The following NLGN4Y variants were observed in gnomAD, a reference collection of about 807,000 sequenced individuals.
The protein encoded by NLGN4Y is neuroligin-4, Y-linked.
NLGN4Y carries 4 observed loss-of-function variants against 8.4 expected under a neutral mutation model. The ratio of observed to expected loss-of-function variants is 0.48; its 90% confidence interval spans 0.23 to 1.09. The LOEUF is 1.09. Among genes scored for constraint, NLGN4Y ranks in the 50% least tolerant of loss-of-function variants. NLGN4Y has a pLI of 0.19. For synonymous variants in NLGN4Y, 35 were observed against 75.6 expected (o/e 0.46, Z 2.78); for missense variants, 90 against 192.3 (o/e 0.47, Z 3.15).
chrY:14,710,059 C>T, intron 2 of NLGN4Y, among the ~76,000 whole-genome samples: 1 of 33,727 alleles, frequency 3.0e-5, no homozygotes, highest in Non-Finnish European at 7.3e-5. Context: ...TAATGAATTA[C>T]TTTATATAAT....
At chrY:14,822,653 A>C (rs2043127133) in intron 4 of NLGN4Y, among the ~76,000 whole-genome samples, 3 of 34,174 alleles carry the variant, frequency 8.8e-5, no homozygotes, top group Non-Finnish European at 1.5e-4. Context: ...GAGGGCACCC[A>C]CACTGACATT....
At chrY:14,727,955 C>T (rs748565039) in intron 4 of NLGN4Y, among the ~76,000 whole-genome samples, 1 of 33,424 alleles carries the variant, frequency 3.0e-5, no homozygotes, top group South Asian at 6.7e-4. Context: ...CTCAATCCAT[C>T]TTCGCCACAA....
chrY:14,719,244 G>T (rs2080925653), intron 2 of NLGN4Y, among the ~76,000 whole-genome samples: 1 of 32,783 alleles, frequency 3.1e-5, no homozygotes, highest in Non-Finnish European at 7.5e-5. Flanking sequence ...GTAACATTTT[G>T]AATTTGTTCT....
intron 2 of NLGN4Y, among the ~76,000 whole-genome samples, chrY:14,624,224 T>C (rs2080520606): frequency 3.0e-5 from 1 of 33,718 alleles, no homozygotes; most frequent in Non-Finnish European, 7.3e-5. Context: ...TGCTAGAGTC[T>C]AGGACCTGGT....
rs1603502624 is a variant in NLGN4Y at position 14,677,050 on chromosome Y, C to G, written c.473-42409C>G. On this transcript the variant is annotated intron_variant, in intron 2 of 6. Coordinates refer to ENST00000684976, the MANE Select transcript of NLGN4Y (RefSeq NM_001365588.1). ...ATCAGGCTACTATTGGAGTCATCTT[C>G]CTGATTCTTACATTCGATGACTTCA... 8.9e-5 allele frequency among the ~76,000 whole-genome samples: 3 copies of G among 33,816 alleles called. No homozygotes were observed. In the East Asian group the frequency reaches 2.4e-3, roughly 27 times the overall value. 90.7% of individuals were successfully genotyped at this position (33,816 alleles called of 37,273 possible). A position where few individuals can be genotyped will look rare whatever the true frequency, so the allele number is the denominator to read the frequency against.
intron 4 of NLGN4Y, among the ~76,000 whole-genome samples, chrY:14,785,099 T>G: frequency 6.0e-5 from 2 of 33,508 alleles, no homozygotes; most frequent in Non-Finnish European, 1.5e-4. Context: ...GTAGTTTACC[T>G]ATATAACAAA....
chrY:14,791,328 C>A (rs202243285), intron 4 of NLGN4Y, among the ~76,000 whole-genome samples: 24 of 33,180 alleles, frequency 7.2e-4, no homozygotes, highest in Non-Finnish European at 1.3e-3. Flanking sequence ...TTCTACCCAA[C>A]CTTGAAAATG....
At chrY:14,654,566 T>A in intron 2 of NLGN4Y, among the ~76,000 whole-genome samples, 1 of 32,048 alleles carries the variant, frequency 3.1e-5, no homozygotes, top group Non-Finnish European at 7.6e-5. Context: ...CTTACTGACC[T>A]CATTATTATA....
At chrY:14,642,642 C>T in intron 2 of NLGN4Y, among the ~76,000 whole-genome samples, 3 of 32,589 alleles carry the variant, frequency 9.2e-5, no homozygotes, top group Admixed American at 2.8e-4. Flanking sequence ...GCTATGGTAG[C>T]GCCAATGCAA....
intron 4 of NLGN4Y, among the ~76,000 whole-genome samples, chrY:14,819,864 G>T (rs2043116291): frequency 3.1e-5 from 1 of 32,747 alleles, no homozygotes; most frequent in Non-Finnish European, 7.5e-5. Context: ...ATCAGAGAGA[G>T]AATATTGAGG....
intron 1 of NLGN4Y, among the ~76,000 whole-genome samples, chrY:14,565,540 C>T (rs2080248802): frequency 3.1e-5 from 1 of 32,659 alleles, no homozygotes; most frequent in African/African-American, 1.2e-4. Context: ...CAAATCTATG[C>T]TTGATTGGTG....
chrY:14,624,547 G>T (rs1191355350), intron 2 of NLGN4Y, among the ~76,000 whole-genome samples: 1 of 33,433 alleles, frequency 3.0e-5, no homozygotes, highest in Non-Finnish European at 7.4e-5. Flanking sequence ...ATGCGCATAC[G>T]ATCTTGAAAA....
intron 4 of NLGN4Y, among the ~76,000 whole-genome samples, chrY:14,744,378 A>T: frequency 3.0e-5 from 1 of 33,523 alleles, no homozygotes; most frequent in Non-Finnish European, 7.4e-5. Flanking sequence ...ATACCAATGA[A>T]TCACCTCCTC....
intron 1 of NLGN4Y, among the ~76,000 whole-genome samples, chrY:14,549,134 C>G (rs2080182675): frequency 3.0e-5 from 1 of 32,866 alleles, no homozygotes; most frequent in Non-Finnish European, 7.5e-5. Context: ...TTACCCGGCT[C>G]CCTGCTCATA....
chrY:14,843,425 C>T lies in NLGN4Y; in HGVS notation c.*2163C>T. On this transcript the variant is annotated 3_prime_UTR_variant, in exon 7 of 7. Coordinates refer to ENST00000684976, the MANE Select transcript of NLGN4Y (RefSeq NM_001365588.1). ...CCACCTGAGCAACCACAAATAGGCT[C>T]TCCATGAAACTGCAAAGGAACTGAT... 8.2e-6 allele frequency: 1 copy of T among 121,389 alleles called. No individual in the cohort carries two copies. Among genetic ancestry groups the T allele is most frequent in the Non-Finnish European group, 1.8e-5 (1 of 56,107 alleles). The allele number at this position is 121,389 out of a possible 400,897, so 30.3% of individuals were successfully genotyped here.
At chrY:14,585,663 ACTG>A (rs2080337746) in intron 1 of NLGN4Y, among the ~76,000 whole-genome samples, 3 of 33,392 alleles carry the variant, frequency 9.0e-5, no homozygotes, top group African/African-American at 3.5e-4. Flanking sequence ...ATTATTATTG[ACTG>A]CTATTTACTG....
chrY:14,808,910 T>C, intron 4 of NLGN4Y, among the ~76,000 whole-genome samples: 2 of 33,785 alleles, frequency 5.9e-5, no homozygotes, highest in African/African-American at 1.2e-4. Flanking sequence ...TTAGCAAGTA[T>C]AGTGGTGGAT....
chrY:14,633,697 G>A, intron 2 of NLGN4Y, among the ~76,000 whole-genome samples: 1 of 33,124 alleles, frequency 3.0e-5, no homozygotes, highest in Non-Finnish European at 7.4e-5. Flanking sequence ...TATGATTATA[G>A]GTCCTCTGAT....
intron 4 of NLGN4Y, chrY:14,748,547 C>T: frequency 6.2e-6 from 1 of 162,236 alleles, no homozygotes; most frequent in Non-Finnish European, 1.2e-5. Context: ...AAGAAAGGGG[C>T]CCTCTATCCT....
Sources: gnomAD v4.1 joint callset for allele counts (sites outside exome capture counted in the v4.1 genomes callset) on GRCh38, gnomAD v4.1.1 for gene constraint, MANE v1.5 for transcripts, NCBI Gene and HGNC (gene_info 2026-07-23, HGNC 2026-07-21) for gene names.